The following TUSC3 variants were observed in gnomAD, a reference collection of about 807,000 sequenced individuals.
TUSC3 encodes the protein dolichyl-diphosphooligosaccharide--protein glycosyltransferase subunit TUSC3.
TUSC3 carries 45 observed loss-of-function variants against 44.8 expected under a neutral mutation model. The ratio of observed to expected loss-of-function variants is 1.00; its 90% CI spans 0.79 to 1.29. The LOEUF is 1.29. TUSC3 is among the 50% of genes most tolerant of loss of function. The pLI, the probability that TUSC3 is intolerant of heterozygous loss-of-function variation, is 0.00. For synonymous variants in TUSC3, 212 were observed against 152.9 expected (o/e 1.39, Z -2.85); for missense variants, 519 against 437.9 (o/e 1.19, Z -1.65).
At position 15,719,516 on chromosome 8, in the gene TUSC3, C is replaced by CCACACA. The variant is rs56066329; in HGVS notation, c.799-11123_799-11118dup. Among the ~76,000 whole-genome samples, 101 of 16,242 alleles carry CCACACA rather than the reference C, an allele frequency of 6.2e-3. No individual in the cohort carries two copies. The Middle Eastern group carries it at 0.065, about 10-fold the overall frequency. 10.7% of individuals were successfully genotyped at this position (16,242 alleles called of 152,430 possible). ...TTCATCACACACACACACACACACA[C>CCACACA]CACACACACACACACACACACACAC... On this transcript the variant is annotated intron_variant, in intron 6 of 10. Coordinates refer to ENST00000503731, the MANE Select transcript of TUSC3 (RefSeq NM_006765.4).
At chr8:15,595,301 G>T (rs977409392) in intron 1 of TUSC3, among the ~76,000 whole-genome samples, 3 of 152,194 alleles carry the variant, frequency 2.0e-5, no homozygotes, top group African/African-American at 4.8e-5. Context: ...AGATTTCCAG[G>T]CTTCTCTTTG....
At chr8:15,530,662 T>G (rs1801437281) in intron 2 of TUSC3, among the ~76,000 whole-genome samples, 1 of 152,138 alleles carries the variant, frequency 6.6e-6, no homozygotes, top group South Asian at 2.1e-4. Flanking sequence ...ATTCAAAGTG[T>G]TTATCATTCA....
intron 1 of TUSC3, among the ~76,000 whole-genome samples, chr8:15,432,894 G>T (rs952662806): frequency 1.3e-5 from 2 of 152,176 alleles, no homozygotes; most frequent in Non-Finnish European, 2.9e-5. Context: ...AACCCCGGTA[G>T]GTTAGCCTCT....
intron 1 of TUSC3, among the ~76,000 whole-genome samples, chr8:15,574,433 C>G (rs959298276): frequency 6.6e-6 from 1 of 152,116 alleles, no homozygotes; most frequent in African/African-American, 2.4e-5. Context: ...TCATTCTGCT[C>G]TCATTTATTC....
the TUSC3 span, among the ~76,000 whole-genome samples, chr8:15,772,870 A>G: frequency 7.3e-6 from 1 of 136,894 alleles, no homozygotes; most frequent in East Asian, 2.1e-4. Flanking sequence ...TCAGTGTAAC[A>G]CACCACATGA....
At chr8:15,460,743 A>T (rs1376607702) in intron 1 of TUSC3, among the ~76,000 whole-genome samples, 1 of 152,088 alleles carries the variant, frequency 6.6e-6, no homozygotes, top group Non-Finnish European at 1.5e-5. Flanking sequence ...ATTCTCCTAC[A>T]TGTGGTTAGA....
intron 1 of TUSC3, among the ~76,000 whole-genome samples, chr8:15,476,436 C>G (rs995123665): frequency 6.6e-6 from 1 of 152,100 alleles, no homozygotes; most frequent in Non-Finnish European, 1.5e-5. Context: ...TTTCTAAGAA[C>G]ATAGTAGCTA....
the TUSC3 span, among the ~76,000 whole-genome samples, chr8:15,797,376 T>C: frequency 6.6e-6 from 1 of 152,154 alleles, no homozygotes; most frequent in Non-Finnish European, 1.5e-5. Context: ...CTTTGAGGTC[T>C]GATGAGACAG....
At chr8:15,559,341 A>C (rs947102371) in intron 1 of TUSC3, among the ~76,000 whole-genome samples, 1 of 147,766 alleles carries the variant, frequency 6.8e-6, no homozygotes, top group Admixed American at 6.8e-5. Context: ...CCTGAGTTCT[A>C]GTTTGATTGC....
the TUSC3 span, among the ~76,000 whole-genome samples, chr8:15,805,068 G>T: frequency 6.6e-6 from 1 of 151,998 alleles, no homozygotes; most frequent in Admixed American, 6.6e-5. Flanking sequence ...GTATTCCTAG[G>T]TATTTTATTT....
At chr8:15,467,604 C>T (rs1362630198) in intron 1 of TUSC3, among the ~76,000 whole-genome samples, 2 of 152,178 alleles carry the variant, frequency 1.3e-5, no homozygotes, top group South Asian at 2.1e-4. Context: ...CTCATTTGCG[C>T]CTTGGGAAAA....
intron 7 of TUSC3, among the ~76,000 whole-genome samples, chr8:15,734,220 T>C (rs892404522): frequency 7.9e-5 from 12 of 152,208 alleles, no homozygotes; most frequent in African/African-American, 2.7e-4. Context: ...ATTTCTATCT[T>C]TTGGATTTCT....
At chr8:15,704,563 G>A (rs750621426) in intron 6 of TUSC3, among the ~76,000 whole-genome samples, 4 of 152,044 alleles carry the variant, frequency 2.6e-5, no homozygotes, top group Non-Finnish European at 5.9e-5. Flanking sequence ...TTCTCGTTCG[G>A]TTTATGACAA....
At chr8:15,688,460 C>G (rs536247763) in intron 6 of TUSC3, among the ~76,000 whole-genome samples, 2 of 131,946 alleles carry the variant, frequency 1.5e-5, no homozygotes, top group Admixed American at 8.1e-5. Context: ...CTTTTAGGTT[C>G]AAGGGTACTT....
Position 15,634,891 on chromosome 8 carries a change from A to G in TUSC3, c.308+11642A>G, listed in dbSNP as rs533781807. ...ATATAAGGGCATTTCAATGAAATTT[A>G]TAGAGACTGATTACATCCTTCACTT... On this transcript the variant is annotated intron_variant, in intron 2 of 10. Transcript: ENST00000503731. Among the ~76,000 whole-genome samples the G allele has an allele frequency of 1.2e-4, 18 of 152,354 alleles. No homozygotes were observed. In the South Asian group the frequency reaches 3.7e-3, roughly 32 times the overall value.
intron 2 of TUSC3, among the ~76,000 whole-genome samples, chr8:15,635,904 C>G (rs1806050348): frequency 6.6e-6 from 1 of 152,238 alleles, no homozygotes; most frequent in Non-Finnish European, 1.5e-5. Flanking sequence ...CTGTGGGCGA[C>G]TACGTTAAGT....
intron 1 of TUSC3, among the ~76,000 whole-genome samples, chr8:15,443,336 TTGTGTGTG>T (rs57905950): frequency 0.044 from 5,859 of 132,942 alleles, 150 homozygotes; most frequent in Middle Eastern, 0.065. Context: ...ACCCACCTAA[TTGTGTGTG>T]TGTGTGTGTG....
chr8:15,568,406 A>T (rs1802752245), intron 1 of TUSC3, among the ~76,000 whole-genome samples: 1 of 152,122 alleles, frequency 6.6e-6, no homozygotes, highest in Non-Finnish European at 1.5e-5. Flanking sequence ...TTAAGTTCTC[A>T]TATCTGGTCA....
At chr8:15,668,940 G>T (rs965235787) in intron 5 of TUSC3, among the ~76,000 whole-genome samples, 1 of 151,724 alleles carries the variant, frequency 6.6e-6, no homozygotes, top group Non-Finnish European at 1.5e-5. Context: ...GGTGGTAAAT[G>T]GATAAGTTTC....
Sources: allele counts gnomAD v4.1 joint callset (sites outside exome capture counted in the v4.1 genomes callset), GRCh38; gene constraint gnomAD v4.1.1; transcripts MANE v1.5; gene names NCBI Gene and HGNC (gene_info 2026-07-23, HGNC 2026-07-21).